LRRC4C: variants seen among roughly 807,000 people sequenced by gnomAD.
LRRC4C encodes leucine rich repeat containing 4C, also known as leucine-rich repeat-containing protein 4C.
In LRRC4C, 5 loss-of-function variants were observed where a neutral mutation model predicts 33.6. The observed-to-expected ratio is 0.15, with a 90% CI of 0.08 to 0.31. The LOEUF (loss-of-function observed/expected upper bound fraction) is 0.31, where lower values mean the gene tolerates loss of function less well. Ranked by LOEUF, LRRC4C falls within the 10% of genes least tolerant of loss-of-function variation. The pLI, the probability that LRRC4C is intolerant of heterozygous loss-of-function variation, is 1.00. For missense variants in LRRC4C, 560 were observed against 796.7 expected (o/e 0.70, Z 3.58); for synonymous variants, 329 against 302.0 (o/e 1.09, Z -0.93).
intron 3 of LRRC4C, among the ~76,000 whole-genome samples, chr11:40,404,927 C>A (rs182389092): frequency 6.6e-6 from 1 of 151,750 alleles, no homozygotes; most frequent in Non-Finnish European, 1.5e-5. Context: ...AAATAGTTTC[C>A]TATTTCCCCA....
chr11:41,188,534 T>C (rs1317089882), intron 1 of LRRC4C, among the ~76,000 whole-genome samples: 6 of 151,994 alleles, frequency 3.9e-5, no homozygotes, highest in African/African-American at 1.5e-4. Flanking sequence ...CAAATTTTCT[T>C]ATCCTTTAAT....
At chr11:40,598,414 A>G (rs1470446811) in intron 3 of LRRC4C, among the ~76,000 whole-genome samples, 1 of 152,198 alleles carries the variant, frequency 6.6e-6, no homozygotes, top group Non-Finnish European at 1.5e-5. Context: ...AATTTTGGGT[A>G]CACATGTCAC....
chr11:40,495,193 G>T (rs996800428), intron 3 of LRRC4C, among the ~76,000 whole-genome samples: 1 of 152,248 alleles, frequency 6.6e-6, no homozygotes, highest in Non-Finnish European at 1.5e-5. Context: ...ATGTGCTGTT[G>T]CAAGTATTTA....
intron 3 of LRRC4C, among the ~76,000 whole-genome samples, chr11:40,519,892 G>C (rs1955736936): frequency 6.6e-6 from 1 of 152,184 alleles, no homozygotes; most frequent in Non-Finnish European, 1.5e-5. Context: ...CTAAGGTCAT[G>C]GATGAAGGTG....
At chr11:40,515,857 A>C (rs1054008017) in intron 3 of LRRC4C, among the ~76,000 whole-genome samples, 1 of 152,044 alleles carries the variant, frequency 6.6e-6, no homozygotes, top group Non-Finnish European at 1.5e-5. Flanking sequence ...TATATAAAGA[A>C]TGTACTTTCA....
intron 1 of LRRC4C, among the ~76,000 whole-genome samples, chr11:41,031,982 A>G (rs1266034088): frequency 1.3e-5 from 2 of 152,022 alleles, no homozygotes; most frequent in Non-Finnish European, 2.9e-5. Flanking sequence ...TCTTCACAAA[A>G]TTTCCTTGTG....
At chr11:41,457,250 T>C (rs1206187410) in intron 1 of LRRC4C, among the ~76,000 whole-genome samples, 1 of 152,184 alleles carries the variant, frequency 6.6e-6, no homozygotes, top group Admixed American at 6.5e-5. Context: ...AGAGAGGTAC[T>C]AATTTGCCAA....
chr11:40,321,589 G>T (rs1460757472), intron 3 of LRRC4C, among the ~76,000 whole-genome samples: 3 of 152,170 alleles, frequency 2.0e-5, no homozygotes, highest in Non-Finnish European at 2.9e-5. Flanking sequence ...TAGCAAGTCT[G>T]TTTAATCCCC....
At chr11:41,315,031 C>T (rs1243954418) in intron 1 of LRRC4C, among the ~76,000 whole-genome samples, 3 of 152,102 alleles carry the variant, frequency 2.0e-5, no homozygotes, top group African/African-American at 7.2e-5. Context: ...ATAAGACCAA[C>T]TTAGTTGCTC....
At chr11:40,191,946 T>C (rs1861871242) in intron 5 of LRRC4C, among the ~76,000 whole-genome samples, 1 of 152,032 alleles carries the variant, frequency 6.6e-6, no homozygotes, top group Non-Finnish European at 1.5e-5. Flanking sequence ...GGTGACAGAG[T>C]GAGACCTTGT....
At chr11:41,238,245 T>C (rs79386757) in intron 1 of LRRC4C, among the ~76,000 whole-genome samples, 512 of 152,360 alleles carry the variant, frequency 3.4e-3, no homozygotes, top group Non-Finnish European at 5.7e-3. Flanking sequence ...GATTATCATA[T>C]TGAGCTTATG....
chr11:41,230,216 C>A (rs894366320), intron 1 of LRRC4C, among the ~76,000 whole-genome samples: 1 of 152,010 alleles, frequency 6.6e-6, no homozygotes, highest in Non-Finnish European at 1.5e-5. Context: ...TTTTATACAT[C>A]CATTGTGAAC....
intron 1 of LRRC4C, among the ~76,000 whole-genome samples, chr11:41,125,170 C>G (rs909182297): frequency 3.9e-5 from 6 of 152,066 alleles, no homozygotes; most frequent in African/African-American, 1.4e-4. Flanking sequence ...CCATCTGTCT[C>G]CAGACATGGC....
intron 5 of LRRC4C, among the ~76,000 whole-genome samples, chr11:40,227,382 G>A (rs1864882086): frequency 6.6e-6 from 1 of 152,168 alleles, no homozygotes; most frequent in South Asian, 2.1e-4. Flanking sequence ...TAGCCTACCT[G>A]TATCTCTATT....
chr11:40,755,467 C>G (rs1948903306), intron 2 of LRRC4C, among the ~76,000 whole-genome samples: 1 of 152,056 alleles, frequency 6.6e-6, no homozygotes, highest in South Asian at 2.1e-4. Flanking sequence ...CGGTGTATAT[C>G]TGAAGAAAAG....
chr11:41,093,642 G>A (rs1384013211), intron 1 of LRRC4C, among the ~76,000 whole-genome samples: 1 of 151,926 alleles, frequency 6.6e-6, no homozygotes, highest in Non-Finnish European at 1.5e-5. Flanking sequence ...TGTGGTAGCT[G>A]TTTCCATTTT....
intron 5 of LRRC4C, among the ~76,000 whole-genome samples, chr11:40,213,642 G>A (rs1251162061): frequency 6.6e-6 from 1 of 152,136 alleles, no homozygotes; most frequent in African/African-American, 2.4e-5. Context: ...ATACACGTAT[G>A]TAGTAGATAT....
chr11:40,605,211 G>A (rs1160254794), intron 3 of LRRC4C, among the ~76,000 whole-genome samples: 4 of 152,076 alleles, frequency 2.6e-5, no homozygotes, highest in African/African-American at 4.8e-5. Flanking sequence ...GGGACAAAGC[G>A]ATTTTTTTAA....
chr11:41,357,529 G>C (rs1408151485), intron 1 of LRRC4C, among the ~76,000 whole-genome samples: 1 of 151,946 alleles, frequency 6.6e-6, no homozygotes, highest in Non-Finnish European at 1.5e-5. Context: ...TCTCATAAAA[G>C]ACTTGATTCT....
Sources: gnomAD v4.1 joint callset for allele counts (sites outside exome capture counted in the v4.1 genomes callset) on GRCh38, gnomAD v4.1.1 for gene constraint, MANE v1.5 for transcripts, NCBI Gene and HGNC (gene_info 2026-07-23, HGNC 2026-07-21) for gene names.